Variants in SLC24A2 observed in about 807,000 individuals in gnomAD.
The protein encoded by SLC24A2 is solute carrier family 24 member 2, also known as sodium/potassium/calcium exchanger 2.
Under a neutral mutation model 62.0 loss-of-function variants are expected in SLC24A2, and 36 were observed. The ratio of observed to expected loss-of-function variants is 0.58; its 90% CI spans 0.44 to 0.77. The LOEUF (loss-of-function observed/expected upper bound fraction) is 0.77. Ranked by LOEUF, SLC24A2 falls within the 30% of genes least tolerant of loss-of-function variation. SLC24A2 has a pLI of 0.00. For missense variants in SLC24A2, 846 were observed against 817.9 expected (o/e 1.03, Z -0.42); for synonymous variants, 358 against 294.0 (o/e 1.22, Z -2.23).
At chr9:19,636,668 C>T (rs1818365668) in intron 2 of SLC24A2, among the ~76,000 whole-genome samples, 2 of 152,026 alleles carry the variant, frequency 1.3e-5, no homozygotes, top group African/African-American at 4.8e-5. Context: ...CTCCTGACTT[C>T]AAGTGATCCA....
At chr9:19,946,498 G>T in the SLC24A2 span, among the ~76,000 whole-genome samples, 1 of 152,132 alleles carries the variant, frequency 6.6e-6, no homozygotes, top group Non-Finnish European at 1.5e-5. Flanking sequence ...CTTTAAAGAC[G>T]AATGAAAGCA....
the SLC24A2 span, among the ~76,000 whole-genome samples, chr9:19,925,882 A>T: frequency 3.9e-5 from 6 of 152,226 alleles, no homozygotes; most frequent in Non-Finnish European, 8.8e-5. Flanking sequence ...ACACACGTGA[A>T]TCCTTTTTAA....
chr9:20,010,334 CAA>C, the SLC24A2 span, among the ~76,000 whole-genome samples: 1 of 152,076 alleles, frequency 6.6e-6, no homozygotes, highest in Non-Finnish European at 1.5e-5. Flanking sequence ...AGAATACAAA[CAA>C]TATGAAAAAT....
chr9:20,110,392 A>C, the SLC24A2 span, among the ~76,000 whole-genome samples: 1 of 152,158 alleles, frequency 6.6e-6, no homozygotes, highest in African/African-American at 2.4e-5. Context: ...AAGCTTCTGT[A>C]AATAATCAAA....
chr9:19,922,860 C>T, the SLC24A2 span, among the ~76,000 whole-genome samples: 7 of 151,966 alleles, frequency 4.6e-5, no homozygotes, highest in Admixed American at 1.3e-4. Context: ...GAGGATTTTT[C>T]TCCATAAAAC....
At chr9:20,302,023 T>G in the SLC24A2 span, among the ~76,000 whole-genome samples, 1 of 152,238 alleles carries the variant, frequency 6.6e-6, no homozygotes, top group Non-Finnish European at 1.5e-5. Flanking sequence ...AACTCACTTC[T>G]TTCACTTAGT....
chr9:20,123,917 G>C, the SLC24A2 span, among the ~76,000 whole-genome samples: 1 of 152,156 alleles, frequency 6.6e-6, no homozygotes. Flanking sequence ...GCAAAGTATA[G>C]TGCTCACTAG....
At chr9:19,980,726 G>A in the SLC24A2 span, among the ~76,000 whole-genome samples, 2 of 152,166 alleles carry the variant, frequency 1.3e-5, no homozygotes, top group African/African-American at 4.8e-5. Context: ...GAAAGAAGGT[G>A]ATTCCCAGGC....
chr9:19,950,789 G>A, the SLC24A2 span, among the ~76,000 whole-genome samples: 12 of 152,272 alleles, frequency 7.9e-5, no homozygotes, highest in South Asian at 2.5e-3. Context: ...CTCAGACTAT[G>A]TTTCCTAATT....
At chr9:19,819,639 A>G in the SLC24A2 span, among the ~76,000 whole-genome samples, 1 of 152,144 alleles carries the variant, frequency 6.6e-6, no homozygotes, top group East Asian at 1.9e-4. Flanking sequence ...GGGGAACTGC[A>G]AATCAAAACC....
chr9:19,956,551 C>G, the SLC24A2 span, among the ~76,000 whole-genome samples: 3 of 152,084 alleles, frequency 2.0e-5, no homozygotes, highest in African/African-American at 7.2e-5. Context: ...CTGGGGAGGC[C>G]TCACAATTGT....
the SLC24A2 span, among the ~76,000 whole-genome samples, chr9:20,165,280 T>C: frequency 2.6e-5 from 4 of 151,924 alleles, no homozygotes; most frequent in African/African-American, 9.6e-5. Flanking sequence ...TGCTACAAAT[T>C]TTTTTTTCCT....
the SLC24A2 span, among the ~76,000 whole-genome samples, chr9:19,960,565 T>C: frequency 6.6e-6 from 1 of 152,144 alleles, no homozygotes; most frequent in Non-Finnish European, 1.5e-5. Flanking sequence ...TTCTCACCCA[T>C]AAAATGGGGG....
intron 2 of SLC24A2, among the ~76,000 whole-genome samples, chr9:19,721,678 C>T (rs574661493): frequency 6.6e-6 from 1 of 152,248 alleles, no homozygotes; most frequent in African/African-American, 2.4e-5. Context: ...CTTTATGTGT[C>T]TTCATCACAT....
chr9:20,178,098 T>C, the SLC24A2 span, among the ~76,000 whole-genome samples: 11 of 152,156 alleles, frequency 7.2e-5, no homozygotes, highest in Non-Finnish European at 1.6e-4. Flanking sequence ...GTTTGTTCCT[T>C]TAATATAAGT....
In SLC24A2 at chr9:19,756,903, C is replaced by CTTTTTTTTTTT. The variant is rs780450451; in HGVS notation, c.930+29023_930+29033dup. Among the ~76,000 whole-genome samples, 31 of 78,534 alleles carry CTTTTTTTTTTT rather than the reference C, an allele frequency of 3.9e-4. 2 individuals carry two copies. The highest frequency in any genetic ancestry group is 1.1e-3 in the Admixed American group (5 of 4,754). The allele number at this position is 78,534 out of a possible 152,430, so 51.5% of individuals were successfully genotyped here. On this transcript the variant is annotated intron_variant, in intron 2 of 10. Coordinates refer to ENST00000341998, the MANE Select transcript of SLC24A2 (RefSeq NM_020344.4). ...GATATTCACACTTCTTTTACTGAAG[C>CTTTTTTTTTTT]TTTTTTTTTTTTTTTTTTTTTTTAG...
chr9:19,813,558 A>T, the SLC24A2 span, among the ~76,000 whole-genome samples: 4 of 151,822 alleles, frequency 2.6e-5, no homozygotes, highest in African/African-American at 9.7e-5. Context: ...GCCTGAAATG[A>T]TCTACTCACC....
chr9:19,983,821 C>T, the SLC24A2 span, among the ~76,000 whole-genome samples: 1 of 151,962 alleles, frequency 6.6e-6, no homozygotes, highest in Non-Finnish European at 1.5e-5. Context: ...AGGTGAAAGA[C>T]TTGTACACTG....
At chr9:20,171,929 A>C in the SLC24A2 span, among the ~76,000 whole-genome samples, 1 of 152,030 alleles carries the variant, frequency 6.6e-6, no homozygotes, top group Non-Finnish European at 1.5e-5. Flanking sequence ...TCATCAGTGC[A>C]TGGAACTTCC....
Sources: allele counts gnomAD v4.1 joint callset (sites outside exome capture counted in the v4.1 genomes callset), GRCh38; gene constraint gnomAD v4.1.1; transcripts MANE v1.5; gene names NCBI Gene and HGNC (gene_info 2026-07-23, HGNC 2026-07-21).